AEBP1: variants seen among roughly 807,000 people sequenced by gnomAD.
AEBP1 encodes the protein AE binding protein 1.
AEBP1 carries 69 observed loss-of-function variants against 116.5 expected under a neutral mutation model. That is an observed-to-expected ratio of 0.59 (90% CI 0.49 to 0.72). AEBP1 has a LOEUF of 0.72. AEBP1 is among the 30% of genes least tolerant of loss of function. AEBP1 has a pLI of 0.00. For synonymous variants in AEBP1, 627 were observed against 627.3 expected (o/e 1.00, Z 0.01); for missense variants, 1,444 against 1,557.5 (o/e 0.93, Z 1.23).
In AEBP1 at chr7:44,111,519, G is replaced by A. The variant is rs200666867; in HGVS notation, c.1729G>A (p.Val577Met). 48 of 1,595,040 alleles carry A rather than the reference G, an allele frequency of 3.0e-5. No homozygotes were observed. The highest frequency in any genetic ancestry group is 4.0e-5 in the Non-Finnish European group (47 of 1,171,566). Reference sequence around the variant, plus strand: ...CCCTCTGCCCCAGCTCATGAAGGTGGTGAACGAGGAGTGCCCCACCATCAC... The same window carrying A: ...CCCTCTGCCCCAGCTCATGAAGGTGATGAACGAGGAGTGCCCCACCATCAC... ...YKDMRQLMKV[V>M]NEECPTITRT... Residue 577 changes from valine (V) to methionine (M), a missense_variant, in exon 15 of 21, where the codon GTG (valine) becomes ATG (methionine). Physicochemically the swap from Val to Met is conservative, Grantham distance 21. Coordinates refer to ENST00000223357, the MANE Select transcript of AEBP1 (RefSeq NM_001129.5). This position sits in a 1 kb window ranked among gnomAD's most constrained non-coding sequence, Gnocchi z 4.7.
At position 44,114,327 on chromosome 7, in the gene AEBP1, G is replaced by A; in HGVS notation, c.*66G>A. On this transcript the variant is annotated 3_prime_UTR_variant, in exon 21 of 21. Transcript: ENST00000223357. ...AGCAGCAGCACTTCCCAAGCCTGCT[G>A]ACCACAGTCACATCACCCATCAGCA... 3 of 1,559,352 alleles carry A rather than the reference G, an allele frequency of 1.9e-6. No homozygotes were observed. Among genetic ancestry groups the A allele is most frequent in the East Asian group, 2.2e-5 (1 of 44,486 alleles).
Position 44,104,446 on chromosome 7 carries a change from C to A in AEBP1, c.-220C>A. The A allele has an allele frequency of 2.5e-6, 1 of 408,040 alleles. No homozygotes were observed. Among genetic ancestry groups the A allele is most frequent in the Non-Finnish European group, 4.3e-6 (1 of 233,406 alleles). The allele number at this position is 408,040 out of a possible 1,614,324, so 25.3% of individuals were successfully genotyped here. The stretch of plus-strand genomic sequence containing the variant: ...CGGAGCGCCCCGACCACCCCTGAGC[C>A]CCTCTGGCTTCGGAGCCCCCCAGCA... On this transcript the variant is annotated 5_prime_UTR_variant, in exon 1 of 21. Transcript: ENST00000223357.
chr7:44,111,762 C>G lies in AEBP1; in HGVS notation c.1841-92C>G. 6.5e-7 allele frequency: 1 copy of G among 1,532,924 alleles called. No individual in the cohort carries two copies. The highest frequency in any genetic ancestry group is 8.8e-7 in the Non-Finnish European group (1 of 1,135,012). The allele number at this position is 1,532,924 out of a possible 1,614,324, so 95.0% of individuals were successfully genotyped here. On this transcript the variant is annotated intron_variant, in intron 15 of 20. Coordinates refer to ENST00000223357, the MANE Select transcript of AEBP1 (RefSeq NM_001129.5). The surrounding 1 kb of genome is among the most constrained non-coding windows in gnomAD (Gnocchi z 4.7). ...GGCCCTAGGAGCCCCAGCTGTCCCC[C>G]AGACCCTCGGGTATGAGGTGGGTCT...
At position 44,113,678 on chromosome 7, in the gene AEBP1, A is replaced by C. The variant is rs955057830; in HGVS notation, c.2894A>C (p.Lys965Thr). The change falls in exon 21 of 21, where the codon AAG (lysine) becomes ACG (threonine). Residue 965 changes from lysine (K) to threonine (T), a missense_variant. Physicochemically the swap from Lys to Thr is moderately conservative, Grantham distance 78 (BLOSUM62 -1). Transcript: ENST00000223357. The surrounding 1 kb of genome is among the most constrained non-coding windows in gnomAD (Gnocchi z 5.3). The part of the protein sequence containing the change: ...AHAEGYTPSA[K>T]TCNVDYDIGA... ...GCGGAGGGCTACACCCCGAGCGCCA[A>C]GACCTGCAATGTTGACTATGACATC... The C allele has an allele frequency of 4.3e-6, 7 of 1,613,864 alleles. No homozygotes were observed. The African/African-American group carries it at 9.4e-5, about 22-fold the overall frequency.
chr7:44,113,402 G>A lies in AEBP1; in HGVS notation c.2809+51G>A. Reference sequence around the variant, plus strand: ...CATCTTTCTGAGGGAGGACCCGCCAGAGAGGGTGGGGGCTTGAGGAACTCA... The same window carrying A: ...CATCTTTCTGAGGGAGGACCCGCCAAAGAGGGTGGGGGCTTGAGGAACTCA... On this transcript the variant is annotated intron_variant, in intron 20 of 20. Transcript: ENST00000223357. This position sits in a 1 kb window ranked among gnomAD's most constrained non-coding sequence, Gnocchi z 5.3. 6.5e-7 allele frequency: 1 copy of A among 1,546,568 alleles called. No individual in the cohort carries two copies. Among genetic ancestry groups the A allele is most frequent in the Non-Finnish European group, 8.8e-7 (1 of 1,137,328 alleles).
In AEBP1 at chr7:44,111,141, GC is replaced by G; in HGVS notation, c.1631-11del. On this transcript the variant is annotated splice_polypyrimidine_tract_variant and intron_variant, in intron 13 of 20. Transcript: ENST00000223357. This position sits in a 1 kb window ranked among gnomAD's most constrained non-coding sequence, Gnocchi z 4.7. ...CCGGCACCCAGCTAAAGACAACCCC[GC>G]CTCCCTTGCAGCTGTCTACAGCTAC... The G allele has an allele frequency of 6.4e-7, 1 of 1,560,810 alleles. No homozygotes were observed. Among genetic ancestry groups the G allele is most frequent in the South Asian group, 1.2e-5 (1 of 82,178 alleles).
Position 44,112,345 on chromosome 7 carries a change from G to C in AEBP1, c.2217+24G>C. ...CGGTGAGGCTACAGCCTGGCTGAAA[G>C]GGCAGGAGGGAGCAGCTGGACCCTG... is the stretch of plus-strand genomic sequence containing the variant. On this transcript the variant is annotated intron_variant, in intron 17 of 20. Coordinates refer to ENST00000223357, the MANE Select transcript of AEBP1 (RefSeq NM_001129.5). This position sits in a 1 kb window ranked among gnomAD's most constrained non-coding sequence, Gnocchi z 6.6. 5.9e-6 allele frequency: 9 copies of C among 1,523,644 alleles called. No homozygotes were observed. The highest frequency in any genetic ancestry group is 7.9e-6 in the Non-Finnish European group (9 of 1,134,996). The allele number at this position is 1,523,644 out of a possible 1,614,324, so 94.4% of individuals were successfully genotyped here. A position where few individuals can be genotyped will look rare whatever the true frequency, so the allele number is the denominator to read the frequency against.
Position 44,113,708 on chromosome 7 carries a change from C to G in AEBP1, c.2924C>G (p.Ala975Gly), listed in dbSNP as rs1380836883. The change falls in exon 21 of 21, where the codon GCC (alanine) becomes GGC (glycine). Residue 975 changes from alanine (A) to glycine (G), a missense_variant. Transcript: ENST00000223357. The surrounding 1 kb of genome is among the most constrained non-coding windows in gnomAD (Gnocchi z 5.3). The part of the protein sequence containing the change: ...KTCNVDYDIG[A>G]TQCNFILARS... ...TGCAATGTTGACTATGACATCGGGG[C>G]CACTCAGTGCAACTTCATCCTGGCT... 6.2e-7 allele frequency: 1 copy of G among 1,614,058 alleles called. No homozygotes were observed.
Position 44,111,418 on chromosome 7 carries a change from G to T in AEBP1, c.1717-89G>T, listed in dbSNP as rs1290555640. 3 of 1,481,576 alleles carry T rather than the reference G, an allele frequency of 2.0e-6. No individual in the cohort carries two copies. The highest frequency in any genetic ancestry group is 2.7e-6 in the Non-Finnish European group (3 of 1,113,866). The allele number at this position is 1,481,576 out of a possible 1,614,324, so 91.8% of individuals were successfully genotyped here. On this transcript the variant is annotated intron_variant, in intron 14 of 20. Transcript: ENST00000223357. The surrounding 1 kb of genome is among the most constrained non-coding windows in gnomAD (Gnocchi z 4.7). ...CGTGAAGGGGTCATGCCCGTCCCTCGCCATAGAGCAGGCCCTGGAAGTGGA... is the reference window on the plus strand; with the variant it reads ...CGTGAAGGGGTCATGCCCGTCCCTCTCCATAGAGCAGGCCCTGGAAGTGGA...
chr7:44,107,156 C>T lies in AEBP1; in HGVS notation c.595+269C>T, dbSNP rs2096223787. Among the ~76,000 whole-genome samples, 1 of 152,204 alleles carries T rather than the reference C, an allele frequency of 6.6e-6. No homozygotes were observed. The highest frequency in any genetic ancestry group is 2.4e-5 in the African/African-American group (1 of 41,460). The stretch of plus-strand genomic sequence containing the variant: ...TGCCCAGATGTCCCTGGGCTCTGAG[C>T]CCATGGAGTTCCCTCCTGCCTTCTC... On this transcript the variant is annotated intron_variant, in intron 2 of 20. Transcript: ENST00000223357. This position sits in a 1 kb window ranked among gnomAD's most constrained non-coding sequence, Gnocchi z 4.3.
Position 44,107,346 on chromosome 7 carries a change from G to A in AEBP1, c.596-93G>A, listed in dbSNP as rs2096223973. 1 of 1,289,474 alleles carries A rather than the reference G, an allele frequency of 7.8e-7. No individual in the cohort carries two copies. Among genetic ancestry groups the A allele is most frequent in the South Asian group, 1.2e-5 (1 of 82,430 alleles). 79.9% of individuals were successfully genotyped at this position (1,289,474 alleles called of 1,614,324 possible). ...CCTCAGGAGGGTGTCCACAGGCTCT[G>A]TGTGGGCTCTATGGGTGGCTGGTGG... On this transcript the variant is annotated intron_variant, in intron 2 of 20. Coordinates refer to ENST00000223357, the MANE Select transcript of AEBP1 (RefSeq NM_001129.5). The surrounding 1 kb of genome is among the most constrained non-coding windows in gnomAD (Gnocchi z 4.3).
At chr7:44,105,521 T>C (rs2096222097) in intron 1 of AEBP1, among the ~76,000 whole-genome samples, 1 of 152,202 alleles carries the variant, frequency 6.6e-6, no homozygotes, top group Non-Finnish European at 1.5e-5. Context: ...CGTGGCCCTC[T>C]GGAAGGTGGC....
chr7:44,113,036 CCTT>C lies in AEBP1; in HGVS notation c.2618_2620del (p.Phe873del), dbSNP rs1197978215. ...CTGCATACCAACTGCCTGGAGCTCTCCTTCTACCTGGGCTGTGACAAGTTCCCT... is the reference window on the plus strand; with the variant it reads ...CTGCATACCAACTGCCTGGAGCTCTCCTACCTGGGCTGTGACAAGTTCCCT... On this transcript the variant is annotated inframe_deletion, in exon 19 of 21. Coordinates refer to ENST00000223357, the MANE Select transcript of AEBP1 (RefSeq NM_001129.5). This position sits in a 1 kb window ranked among gnomAD's most constrained non-coding sequence, Gnocchi z 5.3. The C allele has an allele frequency of 3.1e-6, 5 of 1,614,150 alleles. No homozygotes were observed. Among genetic ancestry groups the C allele is most frequent in the South Asian group, 1.1e-5 (1 of 91,084 alleles).
chr7:44,106,410 T>C, intron 1 of AEBP1, 136 bp from the exon 2 acceptor site: 1 of 1,025,532 alleles, frequency 9.8e-7, no homozygotes, highest in Non-Finnish European at 1.5e-6. Context: ...GGCAAATGAC[T>C]TAACCTCTCA....
chr7:44,113,992 C>G lies in AEBP1; in HGVS notation c.3208C>G (p.Leu1070Val), dbSNP rs746102175. The part of the protein sequence containing the change: ...TLSTTIEPWG[L>V]IPPTTAGWEE... The stretch of plus-strand genomic sequence containing the variant: ...GAGCACTACCATAGAGCCCTGGGGC[C>G]TCATACCGCCAACCACCGCTGGCTG... Residue 1070 changes from leucine to valine, a missense_variant, in exon 21 of 21, where the codon CTC becomes GTC. By Grantham distance (32) the Leu-to-Val change is conservative (BLOSUM62 1). Transcript: ENST00000223357. The surrounding 1 kb of genome is among the most constrained non-coding windows in gnomAD (Gnocchi z 5.3). 1 of 1,613,838 alleles carries G rather than the reference C, an allele frequency of 6.2e-7. No homozygotes were observed. The highest frequency in any genetic ancestry group is 8.5e-7 in the Non-Finnish European group (1 of 1,179,954).
chr7:44,104,595 G>T lies in AEBP1; in HGVS notation c.-71G>T. 9.3e-7 allele frequency: 1 copy of T among 1,076,406 alleles called. No homozygotes were observed. The highest frequency in any genetic ancestry group is 1.2e-6 in the Non-Finnish European group (1 of 804,440). The allele number at this position is 1,076,406 out of a possible 1,614,324, so 66.7% of individuals were successfully genotyped here. On this transcript the variant is annotated 5_prime_UTR_variant, in exon 1 of 21. Coordinates refer to ENST00000223357, the MANE Select transcript of AEBP1 (RefSeq NM_001129.5). Reference sequence around the variant, plus strand: ...CCTCACCCGTCTCGATCCCCTCTCCGCCCTTTCCCAGAGACCCAGAGCCCC... The same window carrying T: ...CCTCACCCGTCTCGATCCCCTCTCCTCCCTTTCCCAGAGACCCAGAGCCCC...
At position 44,108,833 on chromosome 7, in the gene AEBP1, T is replaced by C. The variant is rs532285201; in HGVS notation, c.941-66T>C. 2 of 1,434,036 alleles carry C rather than the reference T, an allele frequency of 1.4e-6. No individual in the cohort carries two copies. The highest frequency in any genetic ancestry group is 5.0e-5 in the East Asian group (2 of 40,286). The allele number at this position is 1,434,036 out of a possible 1,614,324, so 88.8% of individuals were successfully genotyped here. On this transcript the variant is annotated intron_variant, in intron 6 of 20. Transcript: ENST00000223357. The surrounding 1 kb of genome is among the most constrained non-coding windows in gnomAD (Gnocchi z 5.0). ...GCGGTCCTGTCCTGCTGAGCTCCTGTGGACCCAGGAGCTGAGGCCCCGCAG... is the reference window on the plus strand; with the variant it reads ...GCGGTCCTGTCCTGCTGAGCTCCTGCGGACCCAGGAGCTGAGGCCCCGCAG...
rs1272425975 is a variant in AEBP1 at position 44,104,774 on chromosome 7, T to A, written c.109T>A (p.Phe37Ile). Residue 37 changes from phenylalanine (F) to isoleucine (I), a missense_variant, in exon 1 of 21, where the codon TTC (phenylalanine) becomes ATC (isoleucine). By Grantham distance (21) the Phe-to-Ile change is conservative. Transcript: ENST00000223357. ...TVLTDDEIEEFLEGFLSELEP... is the reference protein window; with the variant it reads ...TVLTDDEIEEILEGFLSELEP... ...GCTGACCGACGACGAGATCGAGGAG[T>A]TCCTCGAGGGCTTCCTGTCAGAGCT... is the stretch of plus-strand genomic sequence containing the variant. 1 of 1,609,354 alleles carries A rather than the reference T, an allele frequency of 6.2e-7. No homozygotes were observed. Among genetic ancestry groups the A allele is most frequent in the Non-Finnish European group, 8.5e-7 (1 of 1,178,844 alleles).
intron 11 of AEBP1, 33 bp from the exon 12 acceptor site, chr7:44,110,692 A>G: frequency 1.3e-6 from 2 of 1,501,714 alleles, no homozygotes; most frequent in Non-Finnish European, 1.8e-6. Flanking sequence ...GGGAGGGGGA[A>G]GACCCTTGCT....
Sources: allele counts gnomAD v4.1 joint callset (sites outside exome capture counted in the v4.1 genomes callset), GRCh38; gene constraint gnomAD v4.1.1; non-coding constraint Gnocchi (gnomAD v3.1); transcripts MANE v1.5; gene names NCBI Gene and HGNC (gene_info 2026-07-23, HGNC 2026-07-21).